The following RSF1 variants were observed in gnomAD, a reference collection of about 807,000 sequenced individuals.
The protein encoded by RSF1 is remodeling and spacing factor 1, also known as HBV pX-associated protein 8.
Under a neutral mutation model 145.2 loss-of-function variants are expected in RSF1, and 13 were observed. The observed-to-expected ratio is 0.09, with a 90% CI of 0.06 to 0.14. RSF1 has a LOEUF of 0.14. RSF1 is among the 10% of genes least tolerant of loss of function. The probability of loss-of-function intolerance (pLI) is 1.00; values close to 1 mark genes in which losing one functional copy is unlikely to be tolerated. For synonymous variants in RSF1, 577 were observed against 592.6 expected, an observed-to-expected ratio of 0.97 and a Z score of 0.38; for missense variants, 1,517 against 1,718.2, an observed-to-expected ratio of 0.88 and a Z score of 2.07.
chr11:77,694,172 C>T (rs1470525891), intron 7 of RSF1, among the ~76,000 whole-genome samples: 1 of 152,050 alleles, frequency 6.6e-6, no homozygotes, highest in East Asian at 1.9e-4. Context: ...AGTTAGAATC[C>T]TTTTTCATTC....
intron 1 of RSF1, among the ~76,000 whole-genome samples, chr11:77,804,896 A>C (rs976202101): frequency 1.3e-5 from 2 of 152,144 alleles, no homozygotes; most frequent in African/African-American, 4.8e-5. Flanking sequence ...CTTCTAGACA[A>C]TTTTTCAAGA....
chr11:77,849,808 C>T, the RSF1 span, among the ~76,000 whole-genome samples: 1 of 152,188 alleles, frequency 6.6e-6, no homozygotes, highest in Non-Finnish European at 1.5e-5. Context: ...CCTTCTGTAT[C>T]TGATGAAATC....
At chr11:77,754,449 A>G (rs1194926974) in intron 2 of RSF1, among the ~76,000 whole-genome samples, 3 of 152,010 alleles carry the variant, frequency 2.0e-5, no homozygotes. Flanking sequence ...TAAAAATTTT[A>G]AAAATTAGGG....
chr11:77,740,639 C>T (rs1961486990), intron 4 of RSF1, 92 bp downstream of exon 4: 1 of 1,217,362 alleles, frequency 8.2e-7, no homozygotes, highest in Non-Finnish European at 1.2e-6. Flanking sequence ...CACAAAAAAC[C>T]ACTTCTGTCT....
At position 77,675,200 on chromosome 11, in the gene RSF1, G is replaced by A. The variant is rs200271333; in HGVS notation, c.3398C>T (p.Pro1133Leu). 140 of 1,613,906 alleles carry A rather than the reference G, an allele frequency of 8.7e-5. 1 individual carries two copies. In the East Asian group the frequency reaches 2.2e-3, roughly 25 times the overall value. The change falls in exon 14 of 16, where the codon CCG (proline) becomes CTG (leucine). Residue 1133 changes from proline to leucine, a missense_variant. Physicochemically the swap from Pro to Leu is moderately conservative, Grantham distance 98 (BLOSUM62 -3). Around this residue, in one of 12 missense-constraint regions of RSF1, gnomAD observed 231 missense variants for 276.6 expected, o/e 0.84. Coordinates refer to ENST00000308488, the MANE Select transcript of RSF1 (RefSeq NM_016578.4). ...AGTGTCACTGTCATCATTAGATGGC[G>A]GATCTTCTTCACTTTCATCTGGGTT... ...DENPDESEED[P>L]PSNDDSDTDF...
At chr11:77,847,963 A>T in the RSF1 span, among the ~76,000 whole-genome samples, 1 of 152,124 alleles carries the variant, frequency 6.6e-6, no homozygotes, top group Non-Finnish European at 1.5e-5. Flanking sequence ...GGCAGAAAAA[A>T]AGAGGCAAAT....
At chr11:77,753,455 T>A (rs991442583) in intron 2 of RSF1, among the ~76,000 whole-genome samples, 2 of 152,214 alleles carry the variant, frequency 1.3e-5, no homozygotes, top group Non-Finnish European at 2.9e-5. Flanking sequence ...GAGACACCAC[T>A]AGGCTAGGAG....
In RSF1 at chr11:77,667,350, T is replaced by C; in HGVS notation, c.3893A>G (p.Lys1298Arg). ...EEEEEGKPSRKRLHRIETDEE... is the reference protein window; with the variant it reads ...EEEEEGKPSRRRLHRIETDEE... ...ATCCGTCTCAATCCGGTGTAGCCGT[T>C]TGCGGGATGGTTTGCCTTCCTCTTC... The change falls in exon 16 of 16, where the codon AAA becomes AGA. Residue 1298 changes from lysine to arginine, a missense_variant. Physicochemically the swap from Lys to Arg is conservative, Grantham distance 26. Coordinates refer to ENST00000308488, the MANE Select transcript of RSF1 (RefSeq NM_016578.4). 1 of 1,614,004 alleles carries C rather than the reference T, an allele frequency of 6.2e-7. No individual in the cohort carries two copies. Among genetic ancestry groups the C allele is most frequent in the Non-Finnish European group, 8.5e-7 (1 of 1,179,932 alleles).
intron 1 of RSF1, among the ~76,000 whole-genome samples, chr11:77,782,535 C>T (rs148911276): frequency 4.7e-5 from 7 of 149,590 alleles, no homozygotes; most frequent in Non-Finnish European, 8.9e-5. Flanking sequence ...GGCGAGAATC[C>T]GTCTCAAAAA....
chr11:77,798,082 T>C (rs1948590179), intron 1 of RSF1, among the ~76,000 whole-genome samples: 1 of 152,166 alleles, frequency 6.6e-6, no homozygotes, highest in Non-Finnish European at 1.5e-5. Context: ...GTTCAAACAT[T>C]GTGGAAGACA....
chr11:77,680,623 A>C (rs1247724408), intron 11 of RSF1, among the ~76,000 whole-genome samples: 1 of 152,162 alleles, frequency 6.6e-6, no homozygotes. Context: ...TAGAATATAT[A>C]ATTTCAAAGG....
chr11:77,725,760 G>A, intron 4 of RSF1, 61 bp from the exon 5 acceptor site: 2 of 1,273,660 alleles, frequency 1.6e-6, no homozygotes, highest in Non-Finnish European at 1.1e-6. Context: ...AGAACTTTCT[G>A]AATAATACCA....
the RSF1 span, among the ~76,000 whole-genome samples, chr11:77,837,953 G>A: frequency 6.6e-6 from 1 of 152,180 alleles, no homozygotes; most frequent in Non-Finnish European, 1.5e-5. Context: ...CACACCTCTA[G>A]TTCCAGCTAG....
At chr11:77,750,939 C>T (rs1948056455) in intron 2 of RSF1, among the ~76,000 whole-genome samples, 1 of 152,070 alleles carries the variant, frequency 6.6e-6, no homozygotes, top group African/African-American at 2.4e-5. Flanking sequence ...TGACACAACA[C>T]CAGAATCAAT....
chr11:77,667,097 G>A lies in RSF1; in HGVS notation c.4146C>T (p.Asn1382=), dbSNP rs563794185. The change falls in exon 16 of 16, where the codon AAC becomes AAT. Residue 1382 remains asparagine, a synonymous_variant. Coordinates refer to ENST00000308488, the MANE Select transcript of RSF1 (RefSeq NM_016578.4). The part of the protein sequence containing the change: ...NGQSPGKAIE[N]LIGKPTEKSQ... Reference sequence around the variant, plus strand: ...ACTTCTCAGTAGGCTTGCCAATCAAGTTCTCAATGGCTTTGCCAGGGCTCT... The same window carrying A: ...ACTTCTCAGTAGGCTTGCCAATCAAATTCTCAATGGCTTTGCCAGGGCTCT... The A allele has an allele frequency of 6.2e-7, 1 of 1,614,184 alleles. No individual in the cohort carries two copies. The highest frequency in any genetic ancestry group is 1.7e-5 in the Admixed American group (1 of 60,024).
intron 2 of RSF1, among the ~76,000 whole-genome samples, chr11:77,751,069 C>T (rs1198992550): frequency 2.0e-5 from 3 of 152,022 alleles, no homozygotes; most frequent in African/African-American, 7.3e-5. Flanking sequence ...TACAGGTAAA[C>T]AAAGTGGAGG....
chr11:77,836,736 C>T, the RSF1 span, among the ~76,000 whole-genome samples: 9 of 152,308 alleles, frequency 5.9e-5, no homozygotes, highest in South Asian at 2.1e-4. Flanking sequence ...GAGGCCTAGG[C>T]GGGTGGATCG....
At chr11:77,795,333 GA>G (rs1466927433) in intron 1 of RSF1, among the ~76,000 whole-genome samples, 7 of 152,084 alleles carry the variant, frequency 4.6e-5, no homozygotes, top group African/African-American at 1.2e-4. Flanking sequence ...CATAGAACTA[GA>G]AAACACAATG....
chr11:77,695,944 C>A (rs949609794), intron 7 of RSF1, among the ~76,000 whole-genome samples: 1 of 152,142 alleles, frequency 6.6e-6, no homozygotes, highest in East Asian at 1.9e-4. Flanking sequence ...TTTGCTCAAC[C>A]CTAGTATAGA....
Sources: gnomAD v4.1 joint callset for allele counts (sites outside exome capture counted in the v4.1 genomes callset) on GRCh38, gnomAD v4.1.1 for gene constraint, gnomAD v4.1.1 regional missense constraint, MANE v1.5 for transcripts, NCBI Gene and HGNC (gene_info 2026-07-23, HGNC 2026-07-21) for gene names.